RANBP2: variants seen among roughly 807,000 people sequenced by gnomAD.
The protein encoded by RANBP2 is E3 SUMO-protein ligase RanBP2.
RANBP2 carries 57 observed loss-of-function variants against 303.6 expected under a neutral mutation model. That is an observed-to-expected ratio of 0.19 (90% CI 0.15 to 0.23). The LOEUF is 0.23. Ranked by LOEUF, RANBP2 falls within the 10% of genes least tolerant of loss-of-function variation. RANBP2 has a pLI of 1.00. For synonymous variants in RANBP2, 1,167 were observed against 1,301.5 expected (o/e 0.90, Z 2.23); for missense variants, 3,138 against 3,780.8 (o/e 0.83, Z 4.46).
chr2:109,039,019 T>C, the RANBP2 span, among the ~76,000 whole-genome samples: 2 of 152,204 alleles, frequency 1.3e-5, no homozygotes, highest in African/African-American at 4.8e-5. Context: ...GCTGTGAAAT[T>C]GTTTTTCAGA....
At chr2:108,906,441 A>G in the RANBP2 span, 2 of 1,522,404 alleles carry the variant, frequency 1.3e-6, no homozygotes, top group Non-Finnish European at 1.8e-6. Flanking sequence ...CCTCCATGTC[A>G]GCAGGGGCAG....
the RANBP2 span, among the ~76,000 whole-genome samples, chr2:109,259,142 G>A: frequency 5.9e-5 from 9 of 152,362 alleles, no homozygotes; most frequent in South Asian, 6.2e-4. Flanking sequence ...AACATGCCAC[G>A]CGGCTTGTGG....
chr2:108,809,432 C>T, the RANBP2 span, among the ~76,000 whole-genome samples: 6 of 147,332 alleles, frequency 4.1e-5, no homozygotes, highest in African/African-American at 1.5e-4. Flanking sequence ...TTGTTCCAGT[C>T]CATGAACATG....
At chr2:109,732,518 C>CACTACA in the RANBP2 span, among the ~76,000 whole-genome samples, 3 of 150,446 alleles carry the variant, frequency 2.0e-5, no homozygotes, top group Admixed American at 2.0e-4. Context: ...TTGCTCTGTC[C>CACTACA]CCCAGGCTGG....
the RANBP2 span, among the ~76,000 whole-genome samples, chr2:109,061,838 T>C: frequency 6.6e-6 from 1 of 152,116 alleles, no homozygotes; most frequent in Admixed American, 6.5e-5. Context: ...TTCCCTTTGG[T>C]TGATTCAAGC....
chr2:108,872,255 C>T, the RANBP2 span, among the ~76,000 whole-genome samples: 2 of 152,124 alleles, frequency 1.3e-5, no homozygotes, highest in Admixed American at 6.6e-5. Flanking sequence ...TAGCATCCTG[C>T]CATTGGTGCC....
intron 6 of RANBP2, among the ~76,000 whole-genome samples, chr2:108,740,271 A>G (rs1695971448): frequency 6.6e-6 from 1 of 152,214 alleles, no homozygotes; most frequent in South Asian, 2.1e-4. Context: ...ATAACTGGGA[A>G]TATCATTTGA....
chr2:109,613,832 G>C, the RANBP2 span: 15 of 1,237,132 alleles, frequency 1.2e-5, no homozygotes, highest in African/African-American at 2.3e-4. Flanking sequence ...GGCCATGGTC[G>C]CGGGCAGGGG....
the RANBP2 span, chr2:109,437,270 A>C: frequency 7.1e-7 from 1 of 1,403,682 alleles, no homozygotes; most frequent in Non-Finnish European, 9.4e-7. Context: ...GCTTCATGGC[A>C]GCTGGAGAAA....
chr2:108,772,773 TA>T, intron 22 of RANBP2, 94 bp from the exon 23 acceptor site: 1 of 1,362,286 alleles, frequency 7.3e-7, no homozygotes, highest in South Asian at 1.2e-5. Context: ...CAGGTCTTGT[TA>T]CCTGGGTCTG....
the RANBP2 span, among the ~76,000 whole-genome samples, chr2:109,290,963 A>AT: frequency 6.6e-6 from 1 of 152,268 alleles, no homozygotes; most frequent in African/African-American, 2.4e-5. Context: ...GCCCGGCAAT[A>AT]TGCCGGGTAC....
At chr2:108,961,018 C>T in the RANBP2 span, among the ~76,000 whole-genome samples, 2 of 152,284 alleles carry the variant, frequency 1.3e-5, no homozygotes, top group African/African-American at 4.8e-5. Flanking sequence ...ACAATAGAGT[C>T]CCAGTGGTAG....
the RANBP2 span, among the ~76,000 whole-genome samples, chr2:109,721,940 G>A: frequency 6.6e-6 from 1 of 152,350 alleles, no homozygotes; most frequent in South Asian, 2.1e-4. Context: ...CAAGAATCCT[G>A]TGCAGCCAGC....
chr2:108,766,068 T>G lies in RANBP2; in HGVS notation c.5529T>G (p.Ser1843Arg), dbSNP rs757779234. The change falls in exon 20 of 29, where the codon AGT (serine) becomes AGG (arginine). Residue 1843 changes from serine to arginine, a missense_variant. This residue lies in a region of RANBP2 where 348 missense variants were observed against 360.4 expected (regional missense o/e 0.97). Coordinates refer to ENST00000283195, the MANE Select transcript of RANBP2 (RefSeq NM_006267.5). ...SGSQVGTGFK[S>R]NFSEKASKFG... ...GTCAGGTGGGAACAGGATTTAAAAG[T>G]AATTTCTCAGAAAAAGCTTCTAAGT... is the stretch of plus-strand genomic sequence containing the variant. The G allele has an allele frequency of 6.2e-7, 1 of 1,614,050 alleles. No individual in the cohort carries two copies. Among genetic ancestry groups the G allele is most frequent in the Non-Finnish European group, 8.5e-7 (1 of 1,180,004 alleles).
At chr2:108,866,028 G>A in the RANBP2 span, among the ~76,000 whole-genome samples, 3 of 152,166 alleles carry the variant, frequency 2.0e-5, no homozygotes, top group Non-Finnish European at 4.4e-5. Flanking sequence ...TTATGGAGCT[G>A]TGCAAGAGGA....
At chr2:109,184,148 GTTGCC>G in the RANBP2 span, among the ~76,000 whole-genome samples, 277 of 152,318 alleles carry the variant, frequency 1.8e-3, no homozygotes, top group African/African-American at 5.7e-3. Context: ...CACTGCCCCA[GTTGCC>G]TTGGCTGGCC....
At chr2:109,654,927 G>C in the RANBP2 span, among the ~76,000 whole-genome samples, 2 of 150,802 alleles carry the variant, frequency 1.3e-5, no homozygotes, top group Non-Finnish European at 3.0e-5. Context: ...TTTTGAGATG[G>C]AGTCTTGCTC....
the RANBP2 span, among the ~76,000 whole-genome samples, chr2:109,700,030 T>C: frequency 6.6e-6 from 1 of 152,230 alleles, no homozygotes; most frequent in South Asian, 2.1e-4. Flanking sequence ...AGGAAGATAG[T>C]TCCTGTAGCA....
chr2:109,700,450 CG>C, the RANBP2 span, among the ~76,000 whole-genome samples: 2 of 152,002 alleles, frequency 1.3e-5, no homozygotes, highest in Admixed American at 6.6e-5. Flanking sequence ...CAACTGCAAG[CG>C]AAGGCAGGAG....
Sources: allele counts gnomAD v4.1 joint callset (sites outside exome capture counted in the v4.1 genomes callset), GRCh38; gene constraint gnomAD v4.1.1; regional missense constraint gnomAD v4.1.1; transcripts MANE v1.5; gene names NCBI Gene and HGNC (gene_info 2026-07-23, HGNC 2026-07-21).